The following RASSF8 variants were observed in gnomAD, a reference collection of about 807,000 sequenced individuals.
The protein encoded by RASSF8 is ras association domain-containing protein 8.
In RASSF8, 22 loss-of-function variants were observed where a neutral mutation model predicts 48.5. That is an observed-to-expected ratio of 0.45 (90% CI 0.32 to 0.65). The LOEUF is 0.65. Among genes scored for constraint, RASSF8 ranks in the 30% least tolerant of loss-of-function variants. The pLI is 0.03. For synonymous variants in RASSF8, 127 were observed against 171.5 expected (o/e 0.74, Z 2.03); for missense variants, 418 against 489.2 (o/e 0.85, Z 1.37).
At chr12:26,040,800 ATGAAT>A (rs1943247234) in intron 2 of RASSF8, among the ~76,000 whole-genome samples, 1 of 152,068 alleles carries the variant, frequency 6.6e-6, no homozygotes, top group African/African-American at 2.4e-5. Flanking sequence ...TAGGACTAAC[ATGAAT>A]ATTTGAGTTC....
intron 1 of RASSF8, among the ~76,000 whole-genome samples, chr12:25,960,083 G>A (rs1490496800): frequency 6.6e-6 from 1 of 151,880 alleles, no homozygotes; most frequent in Admixed American, 6.6e-5. Flanking sequence ...TGACAGCAGG[G>A]ACGAACATTT....
rs186856640 is a variant in RASSF8, at chr12:26,026,355, T to C, written c.-108-28881T>C. 2.0e-5 allele frequency among the ~76,000 whole-genome samples: 3 copies of C among 152,328 alleles called. No individual in the cohort carries two copies. In the East Asian group the frequency reaches 5.8e-4, roughly 29 times the overall value. On this transcript the variant is annotated intron_variant, in intron 2 of 5. Transcript: ENST00000689635. Reference sequence around the variant, plus strand: ...AATGGCCAATCAGCAAATGAAAAGATGTTTGACGTTATTAGCCTTCAGAGA... The same window carrying C: ...AATGGCCAATCAGCAAATGAAAAGACGTTTGACGTTATTAGCCTTCAGAGA...
chr12:26,001,347 A>G (rs1942253287), intron 2 of RASSF8, among the ~76,000 whole-genome samples: 1 of 151,844 alleles, frequency 6.6e-6, no homozygotes, highest in African/African-American at 2.4e-5. Context: ...AAAAATTTTT[A>G]TCCACTGTGT....
intron 2 of RASSF8, among the ~76,000 whole-genome samples, chr12:26,049,648 C>A (rs1437345429): frequency 6.6e-6 from 1 of 152,214 alleles, no homozygotes; most frequent in Non-Finnish European, 1.5e-5. Context: ...TGTCAGTAAG[C>A]TATCTGGAGC....
At chr12:26,018,170 CT>C (rs1209894548) in intron 2 of RASSF8, among the ~76,000 whole-genome samples, 1 of 152,004 alleles carries the variant, frequency 6.6e-6, no homozygotes, top group African/African-American at 2.4e-5. Flanking sequence ...TTTTTGTTTA[CT>C]TTTTTTAAAG....
chr12:26,012,674 C>G (rs1377593017), intron 2 of RASSF8, among the ~76,000 whole-genome samples: 1 of 143,072 alleles, frequency 7.0e-6, no homozygotes, highest in Non-Finnish European at 1.5e-5. Flanking sequence ...CCATGTGAGG[C>G]CTTTTTTCTT....
At chr12:25,981,526 G>A (rs569878446) in intron 1 of RASSF8, among the ~76,000 whole-genome samples, 202 of 152,238 alleles carry the variant, frequency 1.3e-3, no homozygotes, top group African/African-American at 4.8e-3. Context: ...GAATATTCAG[G>A]TGCTTCTGCC....
chr12:26,031,155 G>T (rs1480990541), intron 2 of RASSF8, among the ~76,000 whole-genome samples: 1 of 152,082 alleles, frequency 6.6e-6, no homozygotes, highest in East Asian at 1.9e-4. Flanking sequence ...GTAACTTGGT[G>T]CCAAATTTAA....
chr12:25,988,244 T>G (rs1941934644), intron 1 of RASSF8, among the ~76,000 whole-genome samples: 1 of 152,192 alleles, frequency 6.6e-6, no homozygotes, highest in Non-Finnish European at 1.5e-5. Context: ...AAAATAAGTT[T>G]TTTTGAGACC....
chr12:26,008,634 G>A (rs1247195484), intron 2 of RASSF8, among the ~76,000 whole-genome samples: 1 of 152,102 alleles, frequency 6.6e-6, no homozygotes, highest in Non-Finnish European at 1.5e-5. Flanking sequence ...ATTAATAACA[G>A]AGTAATTTCT....
chr12:26,042,841 T>C (rs763195336), intron 2 of RASSF8, among the ~76,000 whole-genome samples: 1 of 152,188 alleles, frequency 6.6e-6, no homozygotes, highest in African/African-American at 2.4e-5. Context: ...TGATATCATA[T>C]TCACAGTAGC....
chr12:26,013,824 A>G (rs1426257335), intron 2 of RASSF8, among the ~76,000 whole-genome samples: 1 of 152,214 alleles, frequency 6.6e-6, no homozygotes, highest in East Asian at 1.9e-4. Context: ...ATTGTTGAAT[A>G]GGTCTAAATT....
chr12:26,070,176 C>G lies in RASSF8; in HGVS notation c.*1358C>G. 1 of 959,816 alleles carries G rather than the reference C, an allele frequency of 1.0e-6. No homozygotes were observed. Among genetic ancestry groups the G allele is most frequent in the Non-Finnish European group, 1.2e-6 (1 of 806,732 alleles). The allele number at this position is 959,816 out of a possible 1,614,324, so 59.5% of individuals were successfully genotyped here. A position where few individuals can be genotyped will look rare whatever the true frequency, so the allele number is the denominator to read the frequency against. ...AGTAGTTTTAATTCTGAAGAAGTTA[C>G]ATCCTCTGTATTATTTACATGCAAC... On this transcript the variant is annotated 3_prime_UTR_variant, in exon 6 of 6. Transcript: ENST00000689635.
intron 2 of RASSF8, chr12:26,011,916 G>C (rs1355018413): frequency 6.6e-6 from 1 of 152,170 alleles, no homozygotes; most frequent in Non-Finnish European, 1.5e-5. Flanking sequence ...ATGAACTTCA[G>C]TTTAAATCTA....
chr12:25,976,273 CT>C (rs1941602754), intron 1 of RASSF8, among the ~76,000 whole-genome samples: 1 of 152,230 alleles, frequency 6.6e-6, no homozygotes, highest in Non-Finnish European at 1.5e-5. Context: ...TTGACCTTTT[CT>C]GTCTGGAGGA....
In RASSF8 at chr12:26,067,674, C is replaced by G. The variant is rs1161645863; in HGVS notation, c.1099C>G (p.Pro367Ala). The change falls in exon 5 of 6, where the codon CCC becomes GCC. Residue 367 changes from proline (P) to alanine (A), a missense_variant. Transcript: ENST00000689635. ...GTKVTVLPAEPIEIEASHADI... is the reference protein window; with the variant it reads ...GTKVTVLPAEAIEIEASHADI... ...AAAAGTTACCGTTTTGCCAGCGGAG[C>G]CCATTGAAATAGAGGCCTCACATGC... 1.2e-6 allele frequency: 2 copies of G among 1,614,006 alleles called. No individual in the cohort carries two copies. The highest frequency in any genetic ancestry group is 2.7e-5 in the African/African-American group (2 of 74,912).
chr12:26,033,330 G>A (rs1943067013), intron 2 of RASSF8, among the ~76,000 whole-genome samples: 2 of 152,096 alleles, frequency 1.3e-5, no homozygotes, highest in South Asian at 4.1e-4. Context: ...TGATCTTTCA[G>A]GTCATAACAG....
At position 26,071,056 on chromosome 12, in the gene RASSF8, TA is replaced by T. The variant is rs1466272466; in HGVS notation, c.*2245del. ...ATCTTCATAGACCTAATTACAGATT[TA>T]AAAAAATTTCCTAGGCGACGAAAGT... On this transcript the variant is annotated 3_prime_UTR_variant, in exon 6 of 6. Transcript: ENST00000689635. 1.0e-6 allele frequency: 1 copy of T among 984,436 alleles called. No homozygotes were observed. The highest frequency in any genetic ancestry group is 1.2e-6 in the Non-Finnish European group (1 of 829,076). 61.0% of individuals were successfully genotyped at this position (984,436 alleles called of 1,614,324 possible).
intron 2 of RASSF8, among the ~76,000 whole-genome samples, chr12:26,050,423 A>G (rs1283505786): frequency 6.6e-6 from 1 of 152,220 alleles, no homozygotes. Flanking sequence ...CGAGCCCTGT[A>G]CTAGATAAGG....
Sources: allele counts gnomAD v4.1 joint callset (sites outside exome capture counted in the v4.1 genomes callset), GRCh38; gene constraint gnomAD v4.1.1; transcripts MANE v1.5; gene names NCBI Gene and HGNC (gene_info 2026-07-23, HGNC 2026-07-21).